Variants in FAM217A observed in about 807,000 individuals in gnomAD.
FAM217A encodes the protein family with sequence similarity 217 member A.
A neutral mutation model predicts 18.5 loss-of-function variants in FAM217A; 13 were observed. The observed-to-expected ratio is 0.70, with a 90% CI of 0.46 to 1.12. The LOEUF (loss-of-function observed/expected upper bound fraction) is 1.12. FAM217A is among the 50% of genes most tolerant of loss of function. The probability of loss-of-function intolerance (pLI) is 0.00; values close to 1 mark genes in which losing one functional copy is unlikely to be tolerated. For missense variants in FAM217A, 560 were observed against 575.4 expected (o/e 0.97, Z 0.27); for synonymous variants, 161 against 202.8 (o/e 0.79, Z 1.75).
chr6:4,077,053 T>G (rs569069317), intron 2 of FAM217A, among the ~76,000 whole-genome samples: 1 of 152,276 alleles, frequency 6.6e-6, no homozygotes, highest in African/African-American at 2.4e-5. Flanking sequence ...TCACAAAGGG[T>G]GTGTGTGTGA....
chr6:4,069,215 G>T lies in FAM217A; in HGVS notation c.1008C>A (p.Cys336Ter). The T allele has an allele frequency of 6.2e-7, 1 of 1,614,070 alleles. No individual in the cohort carries two copies. Among genetic ancestry groups the T allele is most frequent in the Non-Finnish European group, 8.5e-7 (1 of 1,180,014 alleles). The change falls in exon 7 of 7, where the codon TGC (cysteine) becomes TGA (stop). Residue 336 changes from cysteine to a stop codon, truncating the protein, a stop_gained. Coordinates refer to ENST00000274673, the MANE Select transcript of FAM217A (RefSeq NM_173563.3). LOFTEE classifies it low-confidence loss of function (END_TRUNC). Reference sequence around the variant, plus strand: ...AAGGTATCTGAAGACTCAAAGAGTCGCAAAGTTTTGGCTGTCTCACTTTTG... The same window carrying T: ...AAGGTATCTGAAGACTCAAAGAGTCTCAAAGTTTTGGCTGTCTCACTTTTG... ...ATPKVRQPKL[C>*]DSLSLQIPCV...
At chr6:4,077,272 A>G in intron 2 of FAM217A, 83 bp downstream of exon 2, 1 of 1,365,102 alleles carries the variant, frequency 7.3e-7, no homozygotes, top group South Asian at 1.2e-5. Flanking sequence ...CAAGGGCATC[A>G]CTACAAGAAA....
At chr6:4,077,238 A>G in intron 2 of FAM217A, 117 bp downstream of exon 2, 1 of 959,960 alleles carries the variant, frequency 1.0e-6, no homozygotes. Flanking sequence ...AACACAGGAT[A>G]AACTGCCCAC....
In FAM217A at chr6:4,068,746, G is replaced by T. The variant is rs1407275478; in HGVS notation, c.1477C>A (p.Pro493Thr). The T allele has an allele frequency of 6.2e-7, 1 of 1,612,872 alleles. No individual in the cohort carries two copies. Residue 493 changes from proline (P) to threonine (T), a missense_variant, in exon 7 of 7, where the codon CCT becomes ACT. By Grantham distance (38) the Pro-to-Thr change is conservative. Coordinates refer to ENST00000274673, the MANE Select transcript of FAM217A (RefSeq NM_173563.3). ...CACTTATCCTTAGCAATAAGGGAAG[G>T]CGACAAACAGTTTAGCTTCTGAATA... Reference protein sequence around the residue: ...FSIQKLNCLSPSLIAKDKCCS... With the variant: ...FSIQKLNCLSTSLIAKDKCCS...
chr6:4,072,062 G>T (rs185478379), intron 6 of FAM217A, among the ~76,000 whole-genome samples: 1 of 152,300 alleles, frequency 6.6e-6, no homozygotes, highest in Non-Finnish European at 1.5e-5. Flanking sequence ...ACATTCAGGG[G>T]CCGGGCACGG....
At chr6:4,079,816 C>T (rs1770152771), upstream of FAM217A, 6 of 343,106 alleles carry the variant, frequency 1.7e-5, no homozygotes, top group South Asian at 2.3e-4. Flanking sequence ...AGTTTCAGGT[C>T]CGTCGTCGGC....
At chr6:4,085,646 C>A (rs1430201929) in intron 1 of FAM217A, among the ~76,000 whole-genome samples, 1 of 152,176 alleles carries the variant, frequency 6.6e-6, no homozygotes, top group East Asian at 1.9e-4. Flanking sequence ...TGTCTTCCGG[C>A]TGCCAGAATA....
exon 2 of FAM217A, chr6:4,084,610 C>T (rs1770519533): frequency 1.4e-6 from 1 of 702,958 alleles, no homozygotes; most frequent in South Asian, 1.5e-5. Flanking sequence ...AACTTGAAGT[C>T]CCTTTCTGGT....
Position 4,073,498 on chromosome 6 carries a change from C to G in FAM217A, c.169G>C (p.Glu57Gln). ...AGCATCAGTTGCTCCACTGGAATTT[C>G]CAAATAGTTCTATAAGGCAGCAGAA... ...AGGKINKNYLEIPVEQLMLEP... is the reference protein window; with the variant it reads ...AGGKINKNYLQIPVEQLMLEP... Residue 57 changes from glutamate to glutamine, a missense_variant, in exon 5 of 7, where the codon GAA becomes CAA. Physicochemically the swap from Glu to Gln is conservative, Grantham distance 29. Transcript: ENST00000274673. 6.2e-7 allele frequency: 1 copy of G among 1,613,122 alleles called. No homozygotes were observed. Among genetic ancestry groups the G allele is most frequent in the Non-Finnish European group, 8.5e-7 (1 of 1,179,566 alleles).
intron 4 of FAM217A, among the ~76,000 whole-genome samples, chr6:4,073,762 T>C (rs1769579551): frequency 6.6e-6 from 1 of 152,138 alleles, no homozygotes; most frequent in Non-Finnish European, 1.5e-5. Context: ...CAGTGAAATG[T>C]TTTATGTTTT....
chr6:4,079,521 T>A (rs1051364119), upstream of FAM217A: 5 of 945,982 alleles, frequency 5.3e-6, no homozygotes, highest in Non-Finnish European at 7.2e-6. Flanking sequence ...TCCTTGACCC[T>A]CCCCAGGCCT....
intron 2 of FAM217A, among the ~76,000 whole-genome samples, chr6:4,075,232 G>A (rs560020958): frequency 8.3e-4 from 127 of 152,304 alleles, no homozygotes; most frequent in Middle Eastern, 3.4e-3. Context: ...TGTTCGGGAG[G>A]CTGAGGCAGG....
intron 5 of FAM217A, 43 bp downstream of exon 5, chr6:4,073,390 T>C: frequency 6.3e-7 from 1 of 1,584,778 alleles, no homozygotes; most frequent in Non-Finnish European, 8.6e-7. Flanking sequence ...TGCATATATT[T>C]TTAAAATATA....
chr6:4,079,032 G>A lies in FAM217A; in HGVS notation c.-215C>T. 1 of 401,100 alleles carries A rather than the reference G, an allele frequency of 2.5e-6. No homozygotes were observed. The highest frequency in any genetic ancestry group is 4.4e-6 in the Non-Finnish European group (1 of 225,782). 24.8% of individuals were successfully genotyped at this position (401,100 alleles called of 1,614,324 possible). On this transcript the variant is annotated 5_prime_UTR_variant, in exon 1 of 7. Coordinates refer to ENST00000274673, the MANE Select transcript of FAM217A (RefSeq NM_173563.3). ...GGCCTTGAGCGCAGCCCGGTCGGCAGTGCAGGGCCTGCGAAGCCCGCGGGC... is the reference window on the plus strand; with the variant it reads ...GGCCTTGAGCGCAGCCCGGTCGGCAATGCAGGGCCTGCGAAGCCCGCGGGC...
At chr6:4,085,919 G>C (rs1770625792) in intron 1 of FAM217A, among the ~76,000 whole-genome samples, 1 of 152,046 alleles carries the variant, frequency 6.6e-6, no homozygotes, top group African/African-American at 2.4e-5. Context: ...AGACCAGCCA[G>C]GGTAACATAG....
chr6:4,071,580 T>G (rs929238633), intron 6 of FAM217A, among the ~76,000 whole-genome samples: 2 of 152,184 alleles, frequency 1.3e-5, no homozygotes, highest in Admixed American at 6.5e-5. Flanking sequence ...AACCGCTGCA[T>G]TCTACCGCCT....
intron 6 of FAM217A, among the ~76,000 whole-genome samples, chr6:4,071,652 T>C (rs906421356): frequency 6.6e-6 from 1 of 152,194 alleles, no homozygotes; most frequent in Non-Finnish European, 1.5e-5. Context: ...ACCACTTACC[T>C]TGAAATACTT....
chr6:4,075,873 A>G (rs1769755267), intron 2 of FAM217A, among the ~76,000 whole-genome samples: 1 of 152,218 alleles, frequency 6.6e-6, no homozygotes, highest in South Asian at 2.1e-4. Flanking sequence ...GAGACTGCAG[A>G]TTATCATTCT....
upstream of FAM217A, among the ~76,000 whole-genome samples, chr6:4,080,655 A>AC (rs1770227394): frequency 6.6e-6 from 1 of 152,128 alleles, no homozygotes; most frequent in South Asian, 2.1e-4. Flanking sequence ...GAAGGAGGAA[A>AC]CCCTAATTCT....
Sources: gnomAD v4.1 joint callset for allele counts (sites outside exome capture counted in the v4.1 genomes callset) on GRCh38, gnomAD v4.1.1 for gene constraint, MANE v1.5 for transcripts, NCBI Gene and HGNC (gene_info 2026-07-23, HGNC 2026-07-21) for gene names.